CD247: variants seen among roughly 807,000 people sequenced by gnomAD.
CD247 encodes the protein T-cell surface glycoprotein CD3 zeta chain.
In CD247, 13 loss-of-function variants were observed where a neutral mutation model predicts 30.0. The observed-to-expected ratio is 0.43, with a 90% CI of 0.28 to 0.69. The LOEUF (loss-of-function observed/expected upper bound fraction) is 0.69. Among genes scored for constraint, CD247 ranks in the 30% least tolerant of loss-of-function variants. The probability of loss-of-function intolerance (pLI) is 0.16; values close to 1 mark genes in which losing one functional copy is unlikely to be tolerated. For synonymous variants in CD247, 72 were observed against 80.0 expected (o/e 0.90, Z 0.53); for missense variants, 193 against 212.6 (o/e 0.91, Z 0.57).
intron 3 of CD247, 99 bp from the exon 4 acceptor site, chr1:167,438,749 C>A (rs1651670613): frequency 2.1e-3 from 1,677 of 803,370 alleles, no homozygotes; most frequent in East Asian, 2.7e-3. Context: ...TGGGGTGGCT[C>A]ATAAAAAGAG....
At chr1:167,474,037 C>T (rs1653647749) in intron 1 of CD247, among the ~76,000 whole-genome samples, 1 of 152,166 alleles carries the variant, frequency 6.6e-6, no homozygotes, top group Non-Finnish European at 1.5e-5. Flanking sequence ...CCTCTCCCTT[C>T]ACCACCCCCG....
chr1:167,439,995 A>T (rs1195707828), intron 2 of CD247: 1 of 165,342 alleles, frequency 6.0e-6, no homozygotes, highest in Non-Finnish European at 1.3e-5. Flanking sequence ...TGTCTTACAG[A>T]TCTAGAGCAT....
chr1:167,455,401 A>C (rs1652597157), intron 1 of CD247, among the ~76,000 whole-genome samples: 1 of 152,150 alleles, frequency 6.6e-6, no homozygotes, highest in South Asian at 2.1e-4. Context: ...CCAAAGTCAC[A>C]AACCACACCC....
chr1:167,458,552 A>T (rs1182302382), intron 1 of CD247: 1 of 152,214 alleles, frequency 6.6e-6, no homozygotes, highest in Admixed American at 6.5e-5. Context: ...CTTACGATGA[A>T]ATTTTTCAGC....
intron 1 of CD247, among the ~76,000 whole-genome samples, chr1:167,492,134 T>C (rs781181753): frequency 2.0e-5 from 3 of 152,212 alleles, no homozygotes; most frequent in South Asian, 4.1e-4. Flanking sequence ...TTTTATGTTA[T>C]GTGTATTTTA....
chr1:167,445,116 GGGTTT>G (rs1160908596), intron 1 of CD247, among the ~76,000 whole-genome samples: 4 of 151,984 alleles, frequency 2.6e-5, no homozygotes, highest in African/African-American at 4.8e-5. Context: ...AGTAGAGATG[GGGTTT>G]TGCCATGTTG....
At chr1:167,441,518 G>T (rs34725579) in intron 1 of CD247, among the ~76,000 whole-genome samples, 1 of 152,084 alleles carries the variant, frequency 6.6e-6, no homozygotes, top group Non-Finnish European at 1.5e-5. Context: ...CCCAGGACAC[G>T]CCTTGCTCTT....
At chr1:167,493,170 G>A (rs992233330) in intron 1 of CD247, among the ~76,000 whole-genome samples, 3 of 150,072 alleles carry the variant, frequency 2.0e-5, no homozygotes, top group Non-Finnish European at 4.4e-5. Flanking sequence ...AGCCTCCTGA[G>A]TAGTTGGGAT....
chr1:167,454,706 C>T (rs1652548677), intron 1 of CD247, among the ~76,000 whole-genome samples: 2 of 152,248 alleles, frequency 1.3e-5, no homozygotes, highest in African/African-American at 2.4e-5. Flanking sequence ...ATGCTTTCAC[C>T]AGCAGCCGAG....
chr1:167,516,084 G>T (rs537544271), intron 1 of CD247, among the ~76,000 whole-genome samples: 19 of 152,336 alleles, frequency 1.2e-4, no homozygotes, highest in Admixed American at 3.3e-4. Context: ...TTTCTACCAC[G>T]TCCAGCCACC....
chr1:167,438,100 T>C (rs1426666432), intron 4 of CD247, among the ~76,000 whole-genome samples: 1 of 152,002 alleles, frequency 6.6e-6, no homozygotes, highest in Non-Finnish European at 1.5e-5. Context: ...CCTACTGTGG[T>C]GTCATCCAGC....
At chr1:167,486,460 A>G (rs916789516) in intron 1 of CD247, among the ~76,000 whole-genome samples, 1 of 152,188 alleles carries the variant, frequency 6.6e-6, no homozygotes, top group Admixed American at 6.5e-5. Context: ...TACTTTGTAA[A>G]CTGAAAAAAA....
intron 1 of CD247, chr1:167,448,275 A>ACAGC: frequency 1.3e-6 from 1 of 772,442 alleles, no homozygotes; most frequent in Non-Finnish European, 1.6e-6. Context: ...CCTAATGTCT[A>ACAGC]CAGCCAGGGT....
intron 1 of CD247, among the ~76,000 whole-genome samples, chr1:167,517,328 C>T (rs1206715793): frequency 6.6e-6 from 1 of 152,250 alleles, no homozygotes; most frequent in Non-Finnish European, 1.5e-5. Flanking sequence ...CAAATTCCCA[C>T]ACCCAGGTGA....
At chr1:167,507,351 G>T (rs1047340657) in intron 1 of CD247, among the ~76,000 whole-genome samples, 27 of 152,208 alleles carry the variant, frequency 1.8e-4, no homozygotes, top group African/African-American at 6.5e-4. Context: ...GGAGAGCCAG[G>T]TGAACCAGGC....
At chr1:167,450,818 G>A (rs911386568) in intron 1 of CD247, among the ~76,000 whole-genome samples, 1 of 151,368 alleles carries the variant, frequency 6.6e-6, no homozygotes, top group Non-Finnish European at 1.5e-5. Flanking sequence ...GAGGCTGAGG[G>A]AGGAGAATCG....
chr1:167,437,405 C>CAA (rs11457214), intron 4 of CD247, among the ~76,000 whole-genome samples: 1,539 of 146,598 alleles, frequency 0.01, 7 homozygotes, highest in Middle Eastern at 0.062. Flanking sequence ...AACGCTGTCT[C>CAA]AAAAAAAAAA....
In CD247 at chr1:167,494,280, C is replaced by G. The variant is rs1306117450; in HGVS notation, c.58+24128G>C. ...ATCCCCAGGGCCAGTTCAGCAAAAC[C>G]TCTGTCAACAAATAGAGGATTTGTT... On this transcript the variant is annotated intron_variant, in intron 1 of 7. Coordinates refer to ENST00000362089, the MANE Select transcript of CD247 (RefSeq NM_198053.3). The surrounding 1 kb of genome is among the most constrained non-coding windows in gnomAD (Gnocchi z 7.3). Among the ~76,000 whole-genome samples the G allele has an allele frequency of 6.6e-6, 1 of 152,170 alleles. No individual in the cohort carries two copies. The highest frequency in any genetic ancestry group is 1.5e-5 in the Non-Finnish European group (1 of 68,032).
intron 1 of CD247, among the ~76,000 whole-genome samples, chr1:167,506,319 CT>C (rs1440670082): frequency 7.2e-6 from 1 of 138,822 alleles, no homozygotes; most frequent in Non-Finnish European, 1.6e-5. Context: ...CCTTTCTTTT[CT>C]TTTCTTTTTT....
Sources: gnomAD v4.1 joint callset for allele counts (sites outside exome capture counted in the v4.1 genomes callset) on GRCh38, gnomAD v4.1.1 for gene constraint, Gnocchi (gnomAD v3.1) non-coding constraint, MANE v1.5 for transcripts, NCBI Gene and HGNC (gene_info 2026-07-23, HGNC 2026-07-21) for gene names.